ZFHX3: variants seen among roughly 807,000 people sequenced by gnomAD.
The protein encoded by ZFHX3 is zinc finger homeobox 3, also known as zinc finger homeobox protein 3.
A neutral mutation model predicts 279.1 loss-of-function variants in ZFHX3; 42 were observed. That is an observed-to-expected ratio of 0.15 (90% CI 0.12 to 0.19). The LOEUF (loss-of-function observed/expected upper bound fraction) is 0.19, where lower values mean the gene tolerates loss of function less well. Ranked by LOEUF, ZFHX3 falls within the 10% of genes least tolerant of loss-of-function variation. The probability of loss-of-function intolerance (pLI) is 1.00; values close to 1 mark genes in which losing one functional copy is unlikely to be tolerated. For synonymous variants in ZFHX3, 2,293 were observed against 1,957.8 expected (o/e 1.17, Z -4.52); for missense variants, 4,981 against 4,754.0 (o/e 1.05, Z -1.40).
chr16:73,515,766 T>C (rs1034218174), intron 2 of ZFHX3, among the ~76,000 whole-genome samples: 4 of 152,208 alleles, frequency 2.6e-5, no homozygotes, highest in Non-Finnish European at 5.9e-5. Context: ...TGGGACTCTA[T>C]TTAGGAGACG....
At chr16:73,019,666 T>C (rs1364147096) in intron 1 of ZFHX3, among the ~76,000 whole-genome samples, 1 of 152,090 alleles carries the variant, frequency 6.6e-6, no homozygotes, top group African/African-American at 2.4e-5. Context: ...AGATTGTGAG[T>C]CATCACGACG....
At chr16:73,275,588 G>A (rs916584661) in intron 4 of ZFHX3, among the ~76,000 whole-genome samples, 4 of 152,198 alleles carry the variant, frequency 2.6e-5, no homozygotes, top group African/African-American at 9.6e-5. Context: ...TCAATAAAGT[G>A]AGTAGCACAA....
chr16:73,249,224 A>C (rs1408752781), intron 5 of ZFHX3, among the ~76,000 whole-genome samples: 1 of 152,248 alleles, frequency 6.6e-6, no homozygotes, highest in Non-Finnish European at 1.5e-5. Context: ...TGTTTGAAGA[A>C]AATGTCCCTA....
intron 5 of ZFHX3, among the ~76,000 whole-genome samples, chr16:72,815,405 C>CAA (rs369741126): frequency 7.8e-4 from 73 of 93,074 alleles, no homozygotes; most frequent in East Asian, 2.5e-3. Flanking sequence ...GAGACTGTCT[C>CAA]AAAAAAAAAA....
chr16:73,315,802 A>C (rs989534234), intron 4 of ZFHX3, among the ~76,000 whole-genome samples: 3 of 152,208 alleles, frequency 2.0e-5, no homozygotes, highest in Non-Finnish European at 2.9e-5. Flanking sequence ...TTTCCCTATA[A>C]GGGTGTCATT....
intron 3 of ZFHX3, among the ~76,000 whole-genome samples, chr16:73,392,981 C>A (rs548900528): frequency 6.6e-6 from 1 of 152,300 alleles, no homozygotes; most frequent in East Asian, 1.9e-4. Context: ...ATTACAGGCA[C>A]CTGCCATGAC....
intron 4 of ZFHX3, among the ~76,000 whole-genome samples, chr16:72,838,037 G>C (rs1387704574): frequency 6.6e-6 from 1 of 152,224 alleles, no homozygotes; most frequent in African/African-American, 2.4e-5. Context: ...AAAGGTGGTG[G>C]AGAGCTGCCA....
At chr16:72,925,308 G>A (rs1959387691) in intron 3 of ZFHX3, among the ~76,000 whole-genome samples, 1 of 152,160 alleles carries the variant, frequency 6.6e-6, no homozygotes, top group Admixed American at 6.5e-5. Flanking sequence ...TGAGTCAACT[G>A]CGCTTTTACC....
At chr16:73,381,303 C>T (rs762647732) in intron 3 of ZFHX3, among the ~76,000 whole-genome samples, 17 of 151,892 alleles carry the variant, frequency 1.1e-4, no homozygotes, top group South Asian at 6.2e-4. Flanking sequence ...TTTTTGGAAA[C>T]GGTTAAAAAT....
intron 2 of ZFHX3, among the ~76,000 whole-genome samples, chr16:73,494,273 G>C (rs1314584515): frequency 6.6e-6 from 1 of 152,168 alleles, no homozygotes; most frequent in Non-Finnish European, 1.5e-5. Context: ...TTTACGTAAA[G>C]CAAATGGCTG....
intron 3 of ZFHX3, among the ~76,000 whole-genome samples, chr16:72,921,871 G>A (rs1456085926): frequency 6.6e-6 from 1 of 152,200 alleles, no homozygotes; most frequent in Non-Finnish European, 1.5e-5. Context: ...CCCCAGGCAA[G>A]GCTGTCCAGG....
chr16:73,736,475 G>T (rs1159818278), intron 1 of ZFHX3, among the ~76,000 whole-genome samples: 3 of 152,148 alleles, frequency 2.0e-5, no homozygotes, highest in African/African-American at 7.2e-5. Context: ...TAAGCCACCT[G>T]CCACATACAA....
intron 4 of ZFHX3, among the ~76,000 whole-genome samples, chr16:72,833,045 T>C (rs1018511941): frequency 5.9e-5 from 9 of 152,152 alleles, no homozygotes; most frequent in Admixed American, 2.6e-4. Flanking sequence ...AACTGAAAAT[T>C]TGTCTGGACA....
intron 2 of ZFHX3, among the ~76,000 whole-genome samples, chr16:73,586,806 T>C (rs11865107): frequency 0.57 from 86,656 of 151,984 alleles, 25,499 homozygotes; most frequent in East Asian, 0.89. Flanking sequence ...CCACATGAAA[T>C]AGTTAGTATT....
chr16:73,521,402 C>T (rs893976416), intron 2 of ZFHX3, among the ~76,000 whole-genome samples: 8 of 152,134 alleles, frequency 5.3e-5, no homozygotes, highest in Admixed American at 2.6e-4. Context: ...ATCATTTGTT[C>T]CACTTAGTCA....
intron 7 of ZFHX3, among the ~76,000 whole-genome samples, chr16:73,121,065 C>T (rs1018340828): frequency 6.6e-6 from 1 of 152,314 alleles, no homozygotes; most frequent in South Asian, 2.1e-4. Context: ...AATGTGGCTA[C>T]TGCCAGTGAG....
chr16:72,989,405 C>A (rs542800050), intron 1 of ZFHX3, among the ~76,000 whole-genome samples: 92 of 151,862 alleles, frequency 6.1e-4, no homozygotes, highest in Non-Finnish European at 1.2e-3. Flanking sequence ...TTGCTTGAAC[C>A]CAGGAGGTGG....
chr16:73,798,019 G>A (rs1960044642), intron 1 of ZFHX3, among the ~76,000 whole-genome samples: 1 of 152,052 alleles, frequency 6.6e-6, no homozygotes, highest in South Asian at 2.1e-4. Flanking sequence ...ATGTTGCCCA[G>A]GCTGGTCTCA....
At chr16:73,485,527 T>G (rs961995281) in intron 2 of ZFHX3, among the ~76,000 whole-genome samples, 1 of 152,200 alleles carries the variant, frequency 6.6e-6, no homozygotes, top group Non-Finnish European at 1.5e-5. Context: ...GGACTGTGTT[T>G]AGGTTTTTGT....
Sources: allele counts gnomAD v4.1 joint callset (sites outside exome capture counted in the v4.1 genomes callset), GRCh38; gene constraint gnomAD v4.1.1; transcripts MANE v1.5; gene names NCBI Gene and HGNC (gene_info 2026-07-23, HGNC 2026-07-21).